Variants in KRT25 observed in about 807,000 individuals in gnomAD.
KRT25 encodes keratin, type I cytoskeletal 25.
KRT25 carries 37 observed loss-of-function variants against 47.6 expected under a neutral mutation model. The observed-to-expected ratio is 0.78, with a 90% CI of 0.60 to 1.02. The LOEUF is 1.02. Among genes scored for constraint, KRT25 ranks in the 50% least tolerant of loss-of-function variants. KRT25 has a pLI of 0.00. For synonymous variants in KRT25, 203 were observed against 210.2 expected, an observed-to-expected ratio of 0.97 and a Z score of 0.30; for missense variants, 542 against 550.3, an observed-to-expected ratio of 0.98 and a Z score of 0.15.
Position 40,751,091 on chromosome 17 carries a change from T to TTC in KRT25, c.832-13_832-12insGA. ...TGCAGGGAGGCGCTCTGAAATGACA[T>TTC]AAGTGAAGGAGCAAATCTTAGTTTT... On this transcript the variant is annotated splice_polypyrimidine_tract_variant and intron_variant, in intron 4 of 7. Coordinates refer to ENST00000312150, the MANE Select transcript of KRT25 (RefSeq NM_181534.4). The TTC allele has an allele frequency of 6.2e-7, 1 of 1,614,126 alleles. No individual in the cohort carries two copies. The highest frequency in any genetic ancestry group is 2.2e-5 in the East Asian group (1 of 44,880).
intron 6 of KRT25, among the ~76,000 whole-genome samples, chr17:40,750,177 A>G (rs2038032671): frequency 6.6e-6 from 1 of 152,298 alleles, no homozygotes; most frequent in East Asian, 1.9e-4. Flanking sequence ...CAATGTTCAT[A>G]TCTTGAACTC....
In KRT25 at chr17:40,750,574, C is replaced by A. The variant is rs1035364161; in HGVS notation, c.981G>T (p.Leu327Phe). 14 of 1,614,104 alleles carry A rather than the reference C, an allele frequency of 8.7e-6. No individual in the cohort carries two copies. The highest frequency in any genetic ancestry group is 2.7e-5 in the African/African-American group (2 of 74,930). ...CACAGTAGTTGCTCTCGGTCTCTGT[C>A]AAGGAGCACTCCAGGGAGTGTTTCT... is the stretch of plus-strand genomic sequence containing the variant. ...LATKHSLECSLTETESNYCAQ... is the reference protein window; with the variant it reads ...LATKHSLECSFTETESNYCAQ... Residue 327 changes from leucine (L) to phenylalanine (F), a missense_variant, in exon 6 of 8, where the codon TTG (leucine) becomes TTT (phenylalanine). Leu to Phe is a conservative substitution (Grantham distance 22). Transcript: ENST00000312150.
In KRT25 at chr17:40,750,507, C is replaced by A; in HGVS notation, c.1048G>T (p.Glu350Ter). Residue 350 changes from glutamate (E) to a stop codon, truncating the protein, a stop_gained, in exon 6 of 8, where the codon GAG becomes TAG. Coordinates refer to ENST00000312150, the MANE Select transcript of KRT25 (RefSeq NM_181534.4). LOFTEE classifies it high-confidence loss of function. ...TCGGTTCTGACCTGGTGCAGCTGCTCCTCCAGGGCCCCGATCTGAGCCTGG... is the reference window on the plus strand; with the variant it reads ...TCGGTTCTGACCTGGTGCAGCTGCTACTCCAGGGCCCCGATCTGAGCCTGG... ...QIQAQIGALE[E>*]QLHQVRTETE... 1 of 1,614,180 alleles carries A rather than the reference C, an allele frequency of 6.2e-7. No individual in the cohort carries two copies. The highest frequency in any genetic ancestry group is 8.5e-7 in the Non-Finnish European group (1 of 1,180,010).
intron 3 of KRT25, among the ~76,000 whole-genome samples, chr17:40,752,245 G>C (rs1296777700): frequency 6.6e-6 from 1 of 152,116 alleles, no homozygotes; most frequent in Non-Finnish European, 1.5e-5. Context: ...ATGGAAGCTG[G>C]AATTTATTTT....
At chr17:40,749,468 T>A (rs1241016710) in intron 6 of KRT25, 143 bp from the exon 7 acceptor site, 2 of 673,784 alleles carry the variant, frequency 3.0e-6, no homozygotes, top group Admixed American at 5.0e-5. Flanking sequence ...TCTGTAGAGG[T>A]ATGAATACCT....
chr17:40,751,883 C>CGT (rs71152701), intron 3 of KRT25, among the ~76,000 whole-genome samples: 28,766 of 148,716 alleles, frequency 0.19, 2,826 homozygotes, highest in African/African-American at 0.26. Context: ...TGTGTGCGTG[C>CGT]GTGTGTGTGT....
intron 3 of KRT25, among the ~76,000 whole-genome samples, chr17:40,751,978 A>ATT (rs2038054885): frequency 6.6e-6 from 1 of 152,094 alleles, no homozygotes; most frequent in Non-Finnish European, 1.5e-5. Flanking sequence ...ATACAGGGAC[A>ATT]TTACAGTATC....
chr17:40,753,770 A>G (rs1277584748), intron 3 of KRT25, 90 bp downstream of exon 3: 1 of 899,336 alleles, frequency 1.1e-6, no homozygotes, highest in Non-Finnish European at 1.5e-6. Flanking sequence ...TTCAGCACCA[A>G]CTTTTTATAT....
rs1313370541 is a variant in KRT25, at chr17:40,755,289, G to A, written c.-18C>T. 3.7e-6 allele frequency: 6 copies of A among 1,600,444 alleles called. No homozygotes were observed. The highest frequency in any genetic ancestry group is 2.2e-5 in the East Asian group (1 of 44,768). On this transcript the variant is annotated 5_prime_UTR_variant, in exon 1 of 8. The change creates a new upstream start codon in the 5' untranslated region. Coordinates refer to ENST00000312150, the MANE Select transcript of KRT25 (RefSeq NM_181534.4). ...AGAGACATGGTATCAGGGCAAACGC[G>A]TTGCAGAGCTGTATTTGTGAAAGCC...
Position 40,754,855 on chromosome 17 carries a change from G to A in KRT25, c.417C>T (p.Asp139=). The change falls in exon 1 of 8, where the codon GAC becomes GAT. Residue 139 remains aspartate, a synonymous_variant. Transcript: ENST00000312150. ...DYSRYFPIID[D]LKNQIIASTT... is the part of the protein sequence containing the mutation. Reference sequence around the variant, plus strand: ...TATGATTTCTTACCTGATTTTTAAGGTCATCAATTATTGGGAAATATCTGC... The same window carrying A: ...TATGATTTCTTACCTGATTTTTAAGATCATCAATTATTGGGAAATATCTGC... 1 of 1,610,956 alleles carries A rather than the reference G, an allele frequency of 6.2e-7. No individual in the cohort carries two copies. Among genetic ancestry groups the A allele is most frequent in the Middle Eastern group, 1.7e-4 (1 of 6,040 alleles).
intron 4 of KRT25, 32 bp from the exon 5 acceptor site, chr17:40,751,111 A>T: frequency 1.2e-6 from 2 of 1,614,102 alleles, no homozygotes. Context: ...AGCAAATCTT[A>T]GTTTTGTGAA....
rs752988717 is a variant in KRT25, at chr17:40,749,341, A to G, written c.1176-16T>C. On this transcript the variant is annotated splice_polypyrimidine_tract_variant and intron_variant, in intron 6 of 7. Coordinates refer to ENST00000312150, the MANE Select transcript of KRT25 (RefSeq NM_181534.4). The stretch of plus-strand genomic sequence containing the variant: ...CTTACAGGCTCTGTGAAAACATCGC[A>G]AAAGAGGGTGATTTAGAGAGAACCC... 10 of 1,592,978 alleles carry G rather than the reference A, an allele frequency of 6.3e-6. No homozygotes were observed. Among genetic ancestry groups the G allele is most frequent in the Non-Finnish European group, 7.8e-6 (9 of 1,161,132 alleles).
At chr17:40,751,757 A>G (rs1472299207) in intron 3 of KRT25, among the ~76,000 whole-genome samples, 1 of 152,132 alleles carries the variant, frequency 6.6e-6, no homozygotes, top group Non-Finnish European at 1.5e-5. Flanking sequence ...GCTTTGGTGC[A>G]GTGTTAACTC....
intron 3 of KRT25, among the ~76,000 whole-genome samples, chr17:40,752,620 C>T (rs920826083): frequency 5.3e-5 from 8 of 151,886 alleles, no homozygotes; most frequent in Admixed American, 2.6e-4. Flanking sequence ...TCATCTATAT[C>T]TATATATCTA....
intron 3 of KRT25, among the ~76,000 whole-genome samples, chr17:40,751,563 T>C (rs1431989310): frequency 6.6e-6 from 1 of 152,242 alleles, no homozygotes; most frequent in Non-Finnish European, 1.5e-5. Flanking sequence ...GTTCCAGAGT[T>C]CTTTATTATA....
intron 1 of KRT25, 36 bp downstream of exon 1, chr17:40,754,807 G>A (rs751893383): frequency 2.7e-6 from 4 of 1,485,338 alleles, no homozygotes; most frequent in East Asian, 2.3e-5. Context: ...TAGAAATAAA[G>A]GTACATGAAA....
intron 7 of KRT25, among the ~76,000 whole-genome samples, chr17:40,748,998 T>C (rs2038021468): frequency 6.6e-6 from 1 of 151,912 alleles, no homozygotes; most frequent in African/African-American, 2.4e-5. Flanking sequence ...GGGAGATAAA[T>C]GATAAGGACT....
At chr17:40,753,422 T>G (rs2038069304) in intron 3 of KRT25, among the ~76,000 whole-genome samples, 1 of 150,238 alleles carries the variant, frequency 6.7e-6, no homozygotes, top group South Asian at 2.1e-4. Context: ...TCAGGCCGGG[T>G]GCGGTGGCTC....
At position 40,755,314 on chromosome 17, in the gene KRT25, C is replaced by T; in HGVS notation, c.-43G>A. 3 of 1,563,564 alleles carry T rather than the reference C, an allele frequency of 1.9e-6. No homozygotes were observed. The highest frequency in any genetic ancestry group is 2.6e-6 in the Non-Finnish European group (3 of 1,152,126). On this transcript the variant is annotated 5_prime_UTR_variant, in exon 1 of 8. Coordinates refer to ENST00000312150, the MANE Select transcript of KRT25 (RefSeq NM_181534.4). Reference sequence around the variant, plus strand: ...GTTGCAGAGCTGTATTTGTGAAAGCCAGAATGGAGTGCCTTCTTGTCTAAA... The same window carrying T: ...GTTGCAGAGCTGTATTTGTGAAAGCTAGAATGGAGTGCCTTCTTGTCTAAA...
Sources: gnomAD v4.1 joint callset for allele counts (sites outside exome capture counted in the v4.1 genomes callset) on GRCh38, gnomAD v4.1.1 for gene constraint, MANE v1.5 for transcripts, NCBI Gene and HGNC (gene_info 2026-07-23, HGNC 2026-07-21) for gene names.